The following SLC44A3 variants were observed in gnomAD, a reference collection of about 807,000 sequenced individuals.
SLC44A3 encodes choline transporter-like protein 3.
A neutral mutation model predicts 75.4 loss-of-function variants in SLC44A3; 74 were observed. That is an observed-to-expected ratio of 0.98 (90% CI 0.81 to 1.19). The LOEUF (loss-of-function observed/expected upper bound fraction) is 1.19, where lower values mean the gene tolerates loss of function less well. Among genes scored for constraint, SLC44A3 ranks in the 50% most tolerant of loss-of-function variants. The pLI is 0.00. For synonymous variants in SLC44A3, 310 were observed against 296.9 expected, an observed-to-expected ratio of 1.04 and a Z score of -0.45; for missense variants, 700 against 778.6, an observed-to-expected ratio of 0.90 and a Z score of 1.20.
chr1:94,827,752 T>C, intron 4 of SLC44A3, 109 bp downstream of exon 4: 2 of 1,354,576 alleles, frequency 1.5e-6, no homozygotes, highest in Non-Finnish European at 2.0e-6. Flanking sequence ...CTGGAAGTTT[T>C]ACTTCCTTGT....
intron 2 of SLC44A3, among the ~76,000 whole-genome samples, chr1:94,822,752 A>C (rs1660786954): frequency 6.6e-6 from 1 of 152,132 alleles, no homozygotes; most frequent in African/African-American, 2.4e-5. Context: ...TTTTCCTATC[A>C]TCCCTCAAGA....
At chr1:94,888,642 T>G in intron 12 of SLC44A3, 1 of 343,562 alleles carries the variant, frequency 2.9e-6, no homozygotes, top group Non-Finnish European at 4.0e-6. Context: ...TGGAACTTTC[T>G]TTTTTTTTTT....
At chr1:94,871,171 A>G (rs1667730585) in intron 12 of SLC44A3, among the ~76,000 whole-genome samples, 1 of 152,222 alleles carries the variant, frequency 6.6e-6, no homozygotes, top group South Asian at 2.1e-4. Flanking sequence ...ATGTGAGCAA[A>G]GCCAGAGTCC....
At chr1:94,870,102 A>G (rs698957) in intron 12 of SLC44A3, among the ~76,000 whole-genome samples, 150,337 of 152,364 alleles carry the variant, frequency 0.99, 74,177 homozygotes, top group Non-Finnish European at 0.99. Context: ...GCATTCACTT[A>G]CAAGGTGGGG....
chr1:94,876,235 T>C (rs752765506), intron 12 of SLC44A3, among the ~76,000 whole-genome samples: 6 of 152,214 alleles, frequency 3.9e-5, no homozygotes, highest in Non-Finnish European at 7.3e-5. Flanking sequence ...GCTCAAGAAA[T>C]GTGAAGAAGA....
intron 8 of SLC44A3, chr1:94,843,390 T>C (rs1663927847): frequency 6.6e-6 from 1 of 152,236 alleles, no homozygotes; most frequent in African/African-American, 2.4e-5. Flanking sequence ...AGTTCACTCA[T>C]CCTCAGAAAA....
rs1001190551 is a variant in SLC44A3, at chr1:94,833,779, T to C, written c.510-3932T>C. 3.3e-5 allele frequency among the ~76,000 whole-genome samples: 5 copies of C among 152,284 alleles called. No homozygotes were observed. The East Asian group carries it at 7.7e-4, about 24-fold the overall frequency. On this transcript the variant is annotated intron_variant, in intron 5 of 14. Coordinates refer to ENST00000271227, the MANE Select transcript of SLC44A3 (RefSeq NM_001114106.3). ...TAGTAAAAAAAAAAAATTTCAACTCTTCAAAAATTACTCTTCTAATGATTC... is the reference window on the plus strand; with the variant it reads ...TAGTAAAAAAAAAAAATTTCAACTCCTCAAAAATTACTCTTCTAATGATTC...
chr1:94,893,439 G>A (rs1670437124), intron 14 of SLC44A3, among the ~76,000 whole-genome samples: 1 of 151,762 alleles, frequency 6.6e-6, no homozygotes, highest in African/African-American at 2.4e-5. Flanking sequence ...TGAGTGCAAT[G>A]GCGCAATCTC....
chr1:94,867,436 C>G lies in SLC44A3; in HGVS notation c.1482+19C>G. ...CAACCAGGTACGTCTCTACCTCTTG[C>G]CTCAGGAACACACAGAAGGGTCCAA... On this transcript the variant is annotated intron_variant, in intron 12 of 14. Transcript: ENST00000271227. 6.3e-7 allele frequency: 1 copy of G among 1,588,518 alleles called. No homozygotes were observed. Among genetic ancestry groups the G allele is most frequent in the Non-Finnish European group, 8.6e-7 (1 of 1,165,040 alleles).
rs114438504 is a variant in SLC44A3 at position 94,890,455 on chromosome 1, G to A, written c.1483-675G>A. ...GTTGCTTTGCCTTTGCAAAACCCTA[G>A]TAATTTTAACACTCTTAGGCACATA... On this transcript the variant is annotated intron_variant, in intron 12 of 14. Transcript: ENST00000271227. 6.2e-3 allele frequency among the ~76,000 whole-genome samples: 940 copies of A among 152,268 alleles called. 6 individuals are homozygous for A. The highest frequency in any genetic ancestry group is 0.021 in the African/African-American group (888 of 41,552).
intron 12 of SLC44A3, among the ~76,000 whole-genome samples, chr1:94,881,620 C>A (rs950642748): frequency 6.6e-6 from 1 of 150,778 alleles, no homozygotes; most frequent in African/African-American, 2.4e-5. Context: ...AGGAGAATGG[C>A]GTGAACCCGG....
intron 3 of SLC44A3, among the ~76,000 whole-genome samples, chr1:94,825,609 T>A (rs780824154): frequency 2.0e-4 from 30 of 152,154 alleles, no homozygotes; most frequent in Non-Finnish European, 4.4e-4. Context: ...ATTACAGCCG[T>A]GAGCCACCAC....
chr1:94,841,666 T>C (rs1663664030), intron 7 of SLC44A3, among the ~76,000 whole-genome samples: 1 of 152,176 alleles, frequency 6.6e-6, no homozygotes, highest in South Asian at 2.1e-4. Context: ...GCTCTGGCAT[T>C]GTCCCTCTCA....
chr1:94,834,637 A>G (rs1198233041), intron 5 of SLC44A3, among the ~76,000 whole-genome samples: 1 of 151,954 alleles, frequency 6.6e-6, no homozygotes, highest in Non-Finnish European at 1.5e-5. Flanking sequence ...GGCACCCACC[A>G]CGACACCTGG....
chr1:94,851,403 A>G (rs1665198819), intron 9 of SLC44A3, among the ~76,000 whole-genome samples: 2 of 152,238 alleles, frequency 1.3e-5, no homozygotes, highest in Non-Finnish European at 2.9e-5. Context: ...CTGGGTGGGC[A>G]TAGAGGCAGT....
chr1:94,822,476 G>C (rs570235945), intron 2 of SLC44A3, among the ~76,000 whole-genome samples: 1 of 152,292 alleles, frequency 6.6e-6, no homozygotes, highest in South Asian at 2.1e-4. Context: ...AACAGAGCAA[G>C]GAGTGTTTTG....
rs557489321 is a variant in SLC44A3 at position 94,833,873 on chromosome 1, CAGGATCTT to C, written c.510-3832_510-3825del. ...CAAATAAAAATTAAAATCAAGATGT[CAGGATCTT>C]AGGATAGTGTGTAGAGGGTGACAAA... is the stretch of plus-strand genomic sequence containing the variant. On this transcript the variant is annotated intron_variant, in intron 5 of 14. Coordinates refer to ENST00000271227, the MANE Select transcript of SLC44A3 (RefSeq NM_001114106.3). Among the ~76,000 whole-genome samples, 478 of 152,212 alleles carry C rather than the reference CAGGATCTT, an allele frequency of 3.1e-3. 1 individual carries two copies. The highest frequency in any genetic ancestry group is 5.6e-3 in the Non-Finnish European group (379 of 68,014).
intron 9 of SLC44A3, chr1:94,855,395 GCT>G (rs2101230416): frequency 1.3e-5 from 2 of 152,316 alleles, no homozygotes; most frequent in South Asian, 4.1e-4. Context: ...TTCTTCCCTG[GCT>G]CAGAGCACTT....
Position 94,859,020 on chromosome 1 carries a change from G to A in SLC44A3, c.1238+1520G>A, listed in dbSNP as rs114123963. Among the ~76,000 whole-genome samples the A allele has an allele frequency of 7.5e-3, 1,140 of 152,214 alleles. 9 individuals are homozygous for A. The highest frequency in any genetic ancestry group is 0.011 in the Non-Finnish European group (738 of 68,016). ...TGTGGGTTTTTAATGTAGTGGTGCA[G>A]TTCCGGAGCCTCCATCATTAGAGAC... On this transcript the variant is annotated intron_variant, in intron 10 of 14. Coordinates refer to ENST00000271227, the MANE Select transcript of SLC44A3 (RefSeq NM_001114106.3).
Sources: allele counts gnomAD v4.1 joint callset (sites outside exome capture counted in the v4.1 genomes callset), GRCh38; gene constraint gnomAD v4.1.1; transcripts MANE v1.5; gene names NCBI Gene and HGNC (gene_info 2026-07-23, HGNC 2026-07-21).